The following NCALD variants were observed in gnomAD, a reference collection of about 807,000 sequenced individuals.
NCALD encodes neurocalcin delta, also known as neurocalcin-delta.
Under a neutral mutation model 18.6 loss-of-function variants are expected in NCALD, and 10 were observed. The ratio of observed to expected loss-of-function variants is 0.54; its 90% CI spans 0.33 to 0.91. NCALD has a LOEUF of 0.91. Ranked by LOEUF, NCALD falls within the 40% of genes least tolerant of loss-of-function variation. The probability of loss-of-function intolerance (pLI) is 0.03; values close to 1 mark genes in which losing one functional copy is unlikely to be tolerated. For synonymous variants in NCALD, 88 were observed against 87.4 expected (o/e 1.01, Z -0.04); for missense variants, 184 against 247.6 (o/e 0.74, Z 1.72).
chr8:101,970,152 A>G (rs1820186069), intron 2 of NCALD, among the ~76,000 whole-genome samples: 1 of 152,174 alleles, frequency 6.6e-6, no homozygotes, highest in African/African-American at 2.4e-5. Flanking sequence ...ATCACAGATC[A>G]TTTCTTAGCC....
intron 2 of NCALD, among the ~76,000 whole-genome samples, chr8:101,955,483 G>T (rs1361016892): frequency 6.6e-6 from 1 of 152,136 alleles, no homozygotes; most frequent in Non-Finnish European, 1.5e-5. Context: ...GACATCTGGG[G>T]TCTAAAATGT....
At chr8:101,757,595 A>AT (rs1011178459) in intron 1 of NCALD, among the ~76,000 whole-genome samples, 3 of 152,084 alleles carry the variant, frequency 2.0e-5, no homozygotes, top group Admixed American at 2.0e-4. Context: ...AAAATATTTC[A>AT]TTTTTTTCAT....
intron 1 of NCALD, among the ~76,000 whole-genome samples, chr8:101,736,151 G>A (rs1401174220): frequency 6.6e-6 from 1 of 152,186 alleles, no homozygotes; most frequent in East Asian, 1.9e-4. Context: ...ACCCCGAGCT[G>A]TCTCTTTTCC....
intron 2 of NCALD, among the ~76,000 whole-genome samples, chr8:101,699,375 C>A (rs918527764): frequency 6.6e-6 from 1 of 152,054 alleles, no homozygotes; most frequent in Non-Finnish European, 1.5e-5. Context: ...GATCTAGAAC[C>A]AGAAATACCA....
At chr8:101,816,312 A>C (rs766779276) in intron 4 of NCALD, among the ~76,000 whole-genome samples, 18 of 152,160 alleles carry the variant, frequency 1.2e-4, no homozygotes, top group Non-Finnish European at 2.5e-4. Flanking sequence ...TAATCTCCCT[A>C]ATTTCTTCCT....
At chr8:102,036,992 C>T (rs1054372979) in intron 1 of NCALD, among the ~76,000 whole-genome samples, 6 of 151,848 alleles carry the variant, frequency 4.0e-5, no homozygotes, top group Non-Finnish European at 4.4e-5. Flanking sequence ...AATTTTTAGT[C>T]GGCACACAAA....
chr8:101,997,917 C>T (rs1452863929), intron 2 of NCALD, among the ~76,000 whole-genome samples: 2 of 152,124 alleles, frequency 1.3e-5, no homozygotes, highest in Non-Finnish European at 2.9e-5. Flanking sequence ...AATGTATGCA[C>T]AAATAATCAA....
At chr8:101,804,340 T>TATATATTATATATAATTATATC (rs1563785781) in intron 4 of NCALD, among the ~76,000 whole-genome samples, 6 of 27,244 alleles carry the variant, frequency 2.2e-4, no homozygotes, top group Non-Finnish European at 1.1e-3. Context: ...TTATATCAAT[T>TATATATTATATATAATTATATC]ATATATTATA....
In NCALD at chr8:101,763,326, G is replaced by A. The variant is rs551128218; in HGVS notation, c.-20+27536C>T. Among the ~76,000 whole-genome samples, 18 of 152,248 alleles carry A rather than the reference G, an allele frequency of 1.2e-4. No individual in the cohort carries two copies. The East Asian group carries it at 1.4e-3, about 11-fold the overall frequency. ...AAGTGGCAAGCTATGGTTGAAGTCTGGGTAGGTGTTGAAGGTAAACAAAAT... is the reference window on the plus strand; with the variant it reads ...AAGTGGCAAGCTATGGTTGAAGTCTAGGTAGGTGTTGAAGGTAAACAAAAT... On this transcript the variant is annotated intron_variant, in intron 1 of 3. Coordinates refer to ENST00000220931, the MANE Select transcript of NCALD (RefSeq NM_032041.3).
chr8:101,761,674 G>A (rs1355276374), intron 1 of NCALD, among the ~76,000 whole-genome samples: 3 of 152,088 alleles, frequency 2.0e-5, no homozygotes, highest in East Asian at 1.9e-4. Flanking sequence ...GGCTAATCAG[G>A]GACTTATTTG....
At chr8:101,915,656 G>C (rs936366666) in intron 3 of NCALD, 3 of 152,038 alleles carry the variant, frequency 2.0e-5, no homozygotes, top group African/African-American at 7.2e-5. Flanking sequence ...TTTTTTAAAT[G>C]GGCTTTAGTA....
intron 1 of NCALD, among the ~76,000 whole-genome samples, chr8:102,085,008 T>C (rs1200882858): frequency 6.6e-6 from 1 of 152,118 alleles, no homozygotes; most frequent in African/African-American, 2.4e-5. Flanking sequence ...TCTGCAGGTG[T>C]CCGTATCTTT....
chr8:101,712,429 T>G (rs1815839537), intron 2 of NCALD, among the ~76,000 whole-genome samples: 1 of 152,002 alleles, frequency 6.6e-6, no homozygotes. Flanking sequence ...AAATTGTAAA[T>G]AGGCTAAATG....
intron 2 of NCALD, among the ~76,000 whole-genome samples, chr8:101,968,947 G>T (rs988274126): frequency 1.2e-4 from 19 of 152,250 alleles, no homozygotes; most frequent in African/African-American, 4.3e-4. Context: ...CATCTCTGAG[G>T]ACCCCAGTTG....
chr8:101,707,647 C>G (rs1188108280), intron 2 of NCALD, among the ~76,000 whole-genome samples: 1 of 152,240 alleles, frequency 6.6e-6, no homozygotes, highest in East Asian at 1.9e-4. Flanking sequence ...TTCACCTTGC[C>G]TTCATCAGAA....
At chr8:101,952,921 CTTT>C (rs1003853178) in intron 2 of NCALD, among the ~76,000 whole-genome samples, 21 of 146,132 alleles carry the variant, frequency 1.4e-4, no homozygotes, top group Non-Finnish European at 1.5e-4. Context: ...AGCAAGACTT[CTTT>C]TTTTTTTTTA....
chr8:101,964,937 T>A (rs1387653239), intron 2 of NCALD, among the ~76,000 whole-genome samples: 1 of 152,010 alleles, frequency 6.6e-6, no homozygotes, highest in Non-Finnish European at 1.5e-5. Context: ...TTCTCAAGCA[T>A]AAGAAAGTGG....
intron 4 of NCALD, among the ~76,000 whole-genome samples, chr8:101,885,174 C>T (rs1816633138): frequency 6.6e-6 from 1 of 152,156 alleles, no homozygotes; most frequent in South Asian, 2.1e-4. Flanking sequence ...CCAGACAAAA[C>T]CATCCTGACT....
intron 1 of NCALD, among the ~76,000 whole-genome samples, chr8:102,108,276 A>G (rs773376636): frequency 2.6e-5 from 4 of 152,140 alleles, no homozygotes; most frequent in Non-Finnish European, 5.9e-5. Flanking sequence ...GGGGAAAAAT[A>G]CTCTCAAAGT....
Sources: allele counts gnomAD v4.1 joint callset (sites outside exome capture counted in the v4.1 genomes callset), GRCh38; gene constraint gnomAD v4.1.1; transcripts MANE v1.5; gene names NCBI Gene and HGNC (gene_info 2026-07-23, HGNC 2026-07-21).